SHISAL1: variants seen among roughly 807,000 people sequenced by gnomAD.
SHISAL1 encodes the protein shisa like 1.
A neutral mutation model predicts 22.6 loss-of-function variants in SHISAL1; 9 were observed. The ratio of observed to expected loss-of-function variants is 0.40; its 90% confidence interval spans 0.24 to 0.70. The LOEUF (loss-of-function observed/expected upper bound fraction) is 0.70. Among genes scored for constraint, SHISAL1 ranks in the 30% least tolerant of loss-of-function variants. The probability of loss-of-function intolerance (pLI) is 0.39; values close to 1 mark genes in which losing one functional copy is unlikely to be tolerated. For missense variants in SHISAL1, 246 were observed against 270.6 expected (o/e 0.91, Z 0.64); for synonymous variants, 119 against 115.4 (o/e 1.03, Z -0.20).
chr22:44,304,587 G>A (rs986122990), intron 1 of SHISAL1, among the ~76,000 whole-genome samples: 3 of 152,132 alleles, frequency 2.0e-5, no homozygotes, highest in African/African-American at 7.2e-5. Flanking sequence ...TCGTCCCTGG[G>A]AGCTGTAAGC....
At chr22:44,277,457 A>G (rs2055247683) in intron 4 of SHISAL1, among the ~76,000 whole-genome samples, 1 of 140,414 alleles carries the variant, frequency 7.1e-6, no homozygotes, top group South Asian at 2.1e-4. Flanking sequence ...TCCAAACAAA[A>G]CAAAACAAAA....
At chr22:44,286,153 C>G (rs967428019) in intron 3 of SHISAL1, among the ~76,000 whole-genome samples, 3 of 152,178 alleles carry the variant, frequency 2.0e-5, no homozygotes, top group Non-Finnish European at 4.4e-5. Flanking sequence ...CCACCTTTGC[C>G]TACATTGTTC....
intron 4 of SHISAL1, among the ~76,000 whole-genome samples, chr22:44,254,846 T>C (rs7286955): frequency 0.24 from 35,836 of 152,004 alleles, 4,599 homozygotes; most frequent in East Asian, 0.41. Flanking sequence ...TGCTCTCCAG[T>C]TTCACTTCTC....
intron 1 of SHISAL1, among the ~76,000 whole-genome samples, chr22:44,302,339 CAAAA>C (rs35335428): frequency 5.1e-5 from 5 of 97,972 alleles, no homozygotes; most frequent in African/African-American, 4.2e-5. Flanking sequence ...GACTCCGTCT[CAAAA>C]AAAAAAAAAA....
At chr22:44,329,402 T>C in the SHISAL1 span, among the ~76,000 whole-genome samples, 1 of 151,994 alleles carries the variant, frequency 6.6e-6, no homozygotes, top group African/African-American at 2.4e-5. Context: ...CCTGCCCTGA[T>C]AAGCTCCAGG....
In SHISAL1 at chr22:44,285,701, A is replaced by C; in HGVS notation, c.326T>G (p.Val109Gly). Residue 109 changes from valine to glycine, a missense_variant, in exon 4 of 5, where the codon GTG (valine) becomes GGG (glycine). Around this residue, in one of 2 missense-constraint regions of SHISAL1, gnomAD observed 110 missense variants for 153.1 expected, o/e 0.72. Transcript: ENST00000381176. The part of the protein sequence containing the change: ...LLGVWIYGFF[V>G]LMLLVLDLLY... ...AAGGTCCAGAACCAGCAGCATCAAC[A>C]CGAAAAATCCATAGATCCACACTCC... is the stretch of plus-strand genomic sequence containing the variant. 1 of 1,613,998 alleles carries C rather than the reference A, an allele frequency of 6.2e-7. No homozygotes were observed. The highest frequency in any genetic ancestry group is 8.5e-7 in the Non-Finnish European group (1 of 1,179,888).
intron 3 of SHISAL1, among the ~76,000 whole-genome samples, chr22:44,295,328 C>A (rs1312655926): frequency 1.3e-5 from 2 of 151,684 alleles, no homozygotes; most frequent in Non-Finnish European, 2.9e-5. Flanking sequence ...ACCAGCTACC[C>A]ATTTTGAAAA....
At chr22:44,268,704 C>T (rs1183352967) in intron 4 of SHISAL1, among the ~76,000 whole-genome samples, 2 of 152,148 alleles carry the variant, frequency 1.3e-5, no homozygotes, top group African/African-American at 4.8e-5. Context: ...AGGAGCGTGA[C>T]CTCAGCGACG....
At chr22:44,309,083 T>C (rs2055499432) in intron 1 of SHISAL1, among the ~76,000 whole-genome samples, 1 of 152,126 alleles carries the variant, frequency 6.6e-6, no homozygotes, top group Admixed American at 6.5e-5. Flanking sequence ...GGGGCCTGGC[T>C]CAAGTGCCAC....
At chr22:44,302,576 G>A (rs947551261) in intron 1 of SHISAL1, among the ~76,000 whole-genome samples, 24 of 152,214 alleles carry the variant, frequency 1.6e-4, no homozygotes, top group Admixed American at 8.5e-4. Flanking sequence ...GAGAGGCCAC[G>A]TGGCTGTCTG....
intron 1 of SHISAL1, among the ~76,000 whole-genome samples, chr22:44,307,470 C>G (rs1376050249): frequency 6.6e-6 from 1 of 152,188 alleles, no homozygotes; most frequent in Non-Finnish European, 1.5e-5. Context: ...TGAGGACCCC[C>G]AGAAAGCACA....
intron 1 of SHISAL1, among the ~76,000 whole-genome samples, chr22:44,308,706 C>A (rs2055496508): frequency 6.6e-6 from 1 of 152,340 alleles, no homozygotes; most frequent in South Asian, 2.1e-4. Context: ...CAGGAGCACT[C>A]TGTGCAGCGT....
At chr22:44,299,907 CAG>C (rs1569223814) in intron 2 of SHISAL1, among the ~76,000 whole-genome samples, 1 of 143,994 alleles carries the variant, frequency 6.9e-6, no homozygotes, top group African/African-American at 2.6e-5. Flanking sequence ...GAGACAGAGA[CAG>C]AGACAGAAAC....
intron 4 of SHISAL1, among the ~76,000 whole-genome samples, chr22:44,262,728 G>A (rs1390305573): frequency 6.6e-6 from 1 of 152,226 alleles, no homozygotes; most frequent in Non-Finnish European, 1.5e-5. Flanking sequence ...GGCCCTAGTG[G>A]CCCTGGCGAG....
At chr22:44,304,104 G>T (rs2055453306) in intron 1 of SHISAL1, among the ~76,000 whole-genome samples, 1 of 152,224 alleles carries the variant, frequency 6.6e-6, no homozygotes, top group Non-Finnish European at 1.5e-5. Context: ...TGGGCCCTGG[G>T]AGCCACCCAG....
chr22:44,301,225 C>T (rs191123110), intron 1 of SHISAL1, among the ~76,000 whole-genome samples: 3 of 152,284 alleles, frequency 2.0e-5, no homozygotes, highest in African/African-American at 4.8e-5. Context: ...CAAAGGAGGA[C>T]GGATGGCTCA....
rs57574007 is a variant in SHISAL1 at position 44,276,039 on chromosome 22, G to A, written c.599+9389C>T. Among the ~76,000 whole-genome samples the A allele has an allele frequency of 5.2e-4, 79 of 152,306 alleles. 1 individual carries two copies. The highest frequency in any genetic ancestry group is 1.5e-3 in the African/African-American group (63 of 41,554). On this transcript the variant is annotated intron_variant, in intron 4 of 4. Coordinates refer to ENST00000381176, the MANE Select transcript of SHISAL1 (RefSeq NM_001099294.2). Reference sequence around the variant, plus strand: ...GAAACACCAATCCCAACTCTCCCGCGTTTTCCATCCAGTGGAGGAGACAGG... The same window carrying A: ...GAAACACCAATCCCAACTCTCCCGCATTTTCCATCCAGTGGAGGAGACAGG...
intron 4 of SHISAL1, among the ~76,000 whole-genome samples, chr22:44,273,612 C>T (rs542220169): frequency 2.8e-4 from 42 of 152,152 alleles, no homozygotes; most frequent in Non-Finnish European, 4.3e-4. Flanking sequence ...TTTACTTGTT[C>T]GTTTTAATGC....
the SHISAL1 span, among the ~76,000 whole-genome samples, chr22:44,329,754 G>A: frequency 6.6e-6 from 1 of 152,198 alleles, no homozygotes; most frequent in African/African-American, 2.4e-5. Flanking sequence ...TCAGGGGATG[G>A]GGAGCGACCC....
Sources: allele counts gnomAD v4.1 joint callset (sites outside exome capture counted in the v4.1 genomes callset), GRCh38; gene constraint gnomAD v4.1.1; regional missense constraint gnomAD v4.1.1; transcripts MANE v1.5; gene names NCBI Gene and HGNC (gene_info 2026-07-23, HGNC 2026-07-21).